DSCAM: variants seen among roughly 807,000 people sequenced by gnomAD.
DSCAM encodes the protein cell adhesion molecule DSCAM.
DSCAM carries 47 observed loss-of-function variants against 217.7 expected under a neutral mutation model. The ratio of observed to expected loss-of-function variants is 0.22; its 90% CI spans 0.17 to 0.28. The LOEUF is 0.28. DSCAM is among the 10% of genes least tolerant of loss of function. DSCAM has a pLI of 1.00. For missense variants in DSCAM, 2,080 were observed against 2,618.3 expected, an observed-to-expected ratio of 0.79 and a Z score of 4.49; for synonymous variants, 1,056 against 1,015.3, an observed-to-expected ratio of 1.04 and a Z score of -0.76.
At chr21:40,606,598 AAAG>A (rs533598865) in intron 3 of DSCAM, among the ~76,000 whole-genome samples, 120 of 152,318 alleles carry the variant, frequency 7.9e-4, no homozygotes, top group African/African-American at 2.7e-3. Flanking sequence ...CATGGGAGTT[AAAG>A]AAGGTGCCCA....
At chr21:40,029,426 G>GTTTT (rs924937730) in intron 32 of DSCAM, among the ~76,000 whole-genome samples, 1 of 141,668 alleles carries the variant, frequency 7.1e-6, no homozygotes. Flanking sequence ...ATTTGAGGTT[G>GTTTT]TTTTTTTTTT....
chr21:40,127,636 C>T (rs557408062), intron 19 of DSCAM, among the ~76,000 whole-genome samples: 6 of 152,288 alleles, frequency 3.9e-5, no homozygotes, highest in African/African-American at 1.2e-4. Context: ...ATGTTTCACA[C>T]GGGCACCTTA....
At chr21:40,116,954 A>T (rs2089978031) in intron 20 of DSCAM, among the ~76,000 whole-genome samples, 1 of 135,922 alleles carries the variant, frequency 7.4e-6, no homozygotes, top group African/African-American at 2.8e-5. Flanking sequence ...GTGAGCCGAG[A>T]TCGCACCATT....
chr21:40,465,524 G>A (rs1228108359), intron 3 of DSCAM, among the ~76,000 whole-genome samples: 2 of 152,104 alleles, frequency 1.3e-5, no homozygotes, highest in Admixed American at 6.5e-5. Flanking sequence ...ATAATGAGAC[G>A]AGCCATTCAT....
At chr21:40,495,583 A>G (rs568149787) in intron 3 of DSCAM, among the ~76,000 whole-genome samples, 3 of 152,332 alleles carry the variant, frequency 2.0e-5, no homozygotes, top group African/African-American at 4.8e-5. Context: ...ATTGTACACA[A>G]TGATGAAAAA....
At chr21:40,185,927 C>T (rs551080388) in intron 14 of DSCAM, among the ~76,000 whole-genome samples, 13 of 152,258 alleles carry the variant, frequency 8.5e-5, no homozygotes, top group East Asian at 1.9e-4. Flanking sequence ...CAATCAACCC[C>T]GGAAGGCCCT....
chr21:40,596,471 C>A (rs1209424948), intron 3 of DSCAM, among the ~76,000 whole-genome samples: 1 of 152,156 alleles, frequency 6.6e-6, no homozygotes, highest in Non-Finnish European at 1.5e-5. Context: ...GGGTATTATT[C>A]AGTTAGCTAA....
At chr21:40,548,322 G>A (rs2076600397) in intron 3 of DSCAM, among the ~76,000 whole-genome samples, 1 of 151,998 alleles carries the variant, frequency 6.6e-6, no homozygotes, top group Non-Finnish European at 1.5e-5. Context: ...ATGAGCCATC[G>A]ACTCCTCCCA....
intron 11 of DSCAM, among the ~76,000 whole-genome samples, chr21:40,266,251 G>A (rs535476138): frequency 1.3e-5 from 2 of 152,032 alleles, no homozygotes; most frequent in East Asian, 3.9e-4. Context: ...TGAAAAAACT[G>A]CTCAACATCA....
intron 5 of DSCAM, 23 bp from the exon 6 acceptor site, chr21:40,347,968 G>C (rs757629796): frequency 1.3e-6 from 2 of 1,593,754 alleles, no homozygotes; most frequent in South Asian, 1.1e-5. Flanking sequence ...GTAAGAGAGA[G>C]AGAAAAAAGA....
chr21:40,175,791 A>G (rs2090719549), intron 15 of DSCAM, among the ~76,000 whole-genome samples: 1 of 104,074 alleles, frequency 9.6e-6, no homozygotes, highest in African/African-American at 3.7e-5. Flanking sequence ...ACACACACAC[A>G]CACACACACA....
intron 11 of DSCAM, among the ~76,000 whole-genome samples, chr21:40,254,342 G>A (rs1011493535): frequency 3.9e-5 from 6 of 152,184 alleles, no homozygotes; most frequent in African/African-American, 1.4e-4. Flanking sequence ...TGGCTATGAT[G>A]ATATAAGGAA....
chr21:40,042,775 G>A (rs2088777247), intron 31 of DSCAM, 102 bp from the exon 32 acceptor site: 1 of 1,126,388 alleles, frequency 8.9e-7, no homozygotes, highest in Non-Finnish European at 1.2e-6. Context: ...TCCAGATCAT[G>A]GTGGGACCTG....
intron 3 of DSCAM, among the ~76,000 whole-genome samples, chr21:40,527,473 A>G (rs2146101473): frequency 6.6e-6 from 1 of 152,300 alleles, no homozygotes; most frequent in Non-Finnish European, 1.5e-5. Context: ...CTGCTGGACA[A>G]CAGGAAACAA....
At chr21:40,275,855 G>C (rs976080223) in intron 11 of DSCAM, among the ~76,000 whole-genome samples, 1 of 152,202 alleles carries the variant, frequency 6.6e-6, no homozygotes, top group East Asian at 1.9e-4. Context: ...AGGAAGAGAA[G>C]AATGTGGCTC....
chr21:40,733,167 C>G (rs2091029885), intron 1 of DSCAM, among the ~76,000 whole-genome samples: 1 of 152,136 alleles, frequency 6.6e-6, no homozygotes, highest in South Asian at 2.1e-4. Flanking sequence ...TTGCTGCACT[C>G]GTAAATAACC....
chr21:40,148,314 C>T (rs1436636966), intron 16 of DSCAM, among the ~76,000 whole-genome samples: 4 of 151,968 alleles, frequency 2.6e-5, no homozygotes, highest in Non-Finnish European at 4.4e-5. Context: ...TCATAGCTTG[C>T]AGGTCCCCAA....
At position 40,449,820 on chromosome 21, in the gene DSCAM, A is replaced by G. The variant is rs546888317; in HGVS notation, c.509-80575T>C. ...TCTTAATAAAGATTAGGCATACTGT[A>G]CCTCATAGGAATTTTCACAATTACA... On this transcript the variant is annotated intron_variant, in intron 3 of 32. Transcript: ENST00000400454. Among the ~76,000 whole-genome samples the G allele has an allele frequency of 4.6e-5, 7 of 152,338 alleles. No homozygotes were observed. In the South Asian group the frequency reaches 1.5e-3, roughly 32 times the overall value.
At chr21:40,127,245 G>A (rs2090104000) in intron 19 of DSCAM, among the ~76,000 whole-genome samples, 1 of 152,140 alleles carries the variant, frequency 6.6e-6, no homozygotes, top group Non-Finnish European at 1.5e-5. Flanking sequence ...TGGATTATAT[G>A]TCACTAAATG....
Sources: allele counts gnomAD v4.1 joint callset (sites outside exome capture counted in the v4.1 genomes callset), GRCh38; gene constraint gnomAD v4.1.1; transcripts MANE v1.5; gene names NCBI Gene and HGNC (gene_info 2026-07-23, HGNC 2026-07-21).